The following VPS37C variants were observed in gnomAD, a reference collection of about 807,000 sequenced individuals.
VPS37C encodes VPS37C subunit of ESCRT-I, also known as vacuolar protein sorting-associated protein 37C.
In VPS37C, 9 loss-of-function variants were observed where a neutral mutation model predicts 16.1. That is an observed-to-expected ratio of 0.56 (90% confidence interval 0.34 to 0.97). The LOEUF (loss-of-function observed/expected upper bound fraction) is 0.97, where lower values mean the gene tolerates loss of function less well. Ranked by LOEUF, VPS37C falls within the 50% of genes least tolerant of loss-of-function variation. VPS37C has a pLI of 0.02. For missense variants in VPS37C, 479 were observed against 472.7 expected (o/e 1.01, Z -0.12); for synonymous variants, 207 against 206.4 (o/e 1.00, Z -0.02).
At chr11:61,155,470 G>A (rs1359797883) in intron 1 of VPS37C, among the ~76,000 whole-genome samples, 1 of 152,038 alleles carries the variant, frequency 6.6e-6, no homozygotes, top group Non-Finnish European at 1.5e-5. Flanking sequence ...CTGCACTCTG[G>A]CCTGGATGAC....
Position 61,139,962 on chromosome 11 carries a change from C to T in VPS37C, c.-6-1127G>A, listed in dbSNP as rs953453235. 2.6e-5 allele frequency among the ~76,000 whole-genome samples: 4 copies of T among 152,204 alleles called. No individual in the cohort carries two copies. The East Asian group carries it at 7.7e-4, about 29-fold the overall frequency. ...CTCACTATTTTGACCAGGCTGGTCTCGAACTACTGGGCTCAAACAATTCTC... is the reference window on the plus strand; with the variant it reads ...CTCACTATTTTGACCAGGCTGGTCTTGAACTACTGGGCTCAAACAATTCTC... On this transcript the variant is annotated intron_variant, in intron 1 of 4. Coordinates refer to ENST00000301765, the MANE Select transcript of VPS37C (RefSeq NM_017966.5).
chr11:61,155,361 T>G (rs1005377830), intron 1 of VPS37C, among the ~76,000 whole-genome samples: 1 of 151,130 alleles, frequency 6.6e-6, no homozygotes, highest in African/African-American at 2.4e-5. Context: ...TACCCAGGCA[T>G]GGTGATACAC....
At chr11:61,144,834 A>T (rs961872743) in intron 1 of VPS37C, 1 of 152,238 alleles carries the variant, frequency 6.6e-6, no homozygotes, top group African/African-American at 2.4e-5. Context: ...AGGAGACCGG[A>T]GGCCTCCACC....
intron 1 of VPS37C, among the ~76,000 whole-genome samples, chr11:61,159,901 CAAAAAAAAAAA>C (rs35953020): frequency 3.2e-4 from 16 of 49,544 alleles, no homozygotes; most frequent in African/African-American, 6.0e-4. Flanking sequence ...GACTCCGTCT[CAAAAAAAAAAA>C]AAAAAAAAAA....
At chr11:61,150,208 C>A (rs556450225) in intron 1 of VPS37C, among the ~76,000 whole-genome samples, 5 of 152,184 alleles carry the variant, frequency 3.3e-5, no homozygotes, top group African/African-American at 9.6e-5. Flanking sequence ...ACATGTGGGT[C>A]CCCCCCACCC....
intron 1 of VPS37C, among the ~76,000 whole-genome samples, chr11:61,159,040 A>C (rs1853422151): frequency 6.6e-6 from 1 of 152,152 alleles, no homozygotes; most frequent in Non-Finnish European, 1.5e-5. Flanking sequence ...AAAGAGCTAA[A>C]TCCATTAAAT....
intron 1 of VPS37C, among the ~76,000 whole-genome samples, chr11:61,145,761 C>A (rs931409924): frequency 6.6e-6 from 1 of 152,192 alleles, no homozygotes; most frequent in Non-Finnish European, 1.5e-5. Flanking sequence ...CCCCAGCCAC[C>A]GCATATGTCT....
intron 1 of VPS37C, among the ~76,000 whole-genome samples, chr11:61,160,262 G>A (rs977286675): frequency 6.6e-5 from 10 of 152,194 alleles, no homozygotes; most frequent in Admixed American, 1.3e-4. Flanking sequence ...CAAAGACTCA[G>A]TTTAGCGTCC....
intron 2 of VPS37C, 143 bp downstream of exon 2, chr11:61,138,594 T>G: frequency 1.4e-6 from 1 of 728,592 alleles, no homozygotes; most frequent in Non-Finnish European, 2.3e-6. Context: ...CAGGGATTCC[T>G]CTGAGTCCAA....
rs1861307272 is a variant in VPS37C, at chr11:61,133,321, TG to T, written c.281del (p.Ala94AspfsTer8). ...GGTCTAACAAGGTCCCTGGCTGCAG[TG>T]CTGAAGAAAATTTCTCTGGAAGGGA... ...QKAKLEKFSS[A>X]LQPGTLLDLL... On this transcript the variant is annotated frameshift_variant, in exon 4 of 5. Transcript: ENST00000301765. LOFTEE classifies it high-confidence loss of function. The T allele has an allele frequency of 1.9e-6, 3 of 1,614,082 alleles. No homozygotes were observed. Among genetic ancestry groups the T allele is most frequent in the Non-Finnish European group, 2.5e-6 (3 of 1,180,006 alleles).
Position 61,133,247 on chromosome 11 carries a change from C to T in VPS37C, c.348+8G>A. On this transcript the variant is annotated splice_region_variant and intron_variant, in intron 4 of 4. Coordinates refer to ENST00000301765, the MANE Select transcript of VPS37C (RefSeq NM_017966.5). ...CCAGGGAAGAGGGGTGTCGCCTCGC[C>T]CTCTCACCTCGGACTCTTCTTCGAT... 6.2e-7 allele frequency: 1 copy of T among 1,614,040 alleles called. No homozygotes were observed. Among genetic ancestry groups the T allele is most frequent in the East Asian group, 2.2e-5 (1 of 44,882 alleles).
chr11:61,132,738 G>T (rs988651443), intron 4 of VPS37C, 199 bp from the exon 5 acceptor site: 21 of 750,292 alleles, frequency 2.8e-5, no homozygotes, highest in Non-Finnish European at 4.2e-6. Context: ...TCAGTCCCTT[G>T]AAGGCGAGGA....
intron 3 of VPS37C, 42 bp downstream of exon 3, chr11:61,133,994 A>G (rs1861317971): frequency 6.3e-7 from 1 of 1,585,962 alleles, no homozygotes; most frequent in Non-Finnish European, 8.6e-7. Context: ...CCTCCGTCCA[A>G]CCCTGAATGG....
At chr11:61,140,801 T>C (rs1479180933) in intron 1 of VPS37C, among the ~76,000 whole-genome samples, 3 of 152,192 alleles carry the variant, frequency 2.0e-5, no homozygotes, top group Non-Finnish European at 4.4e-5. Context: ...AGCCATGTCA[T>C]ATGCAGACAG....
intron 1 of VPS37C, among the ~76,000 whole-genome samples, chr11:61,152,473 G>A (rs1254475864): frequency 6.6e-6 from 1 of 152,018 alleles, no homozygotes; most frequent in Non-Finnish European, 1.5e-5. Context: ...CAGAAAGTCT[G>A]CCCTAAGCCC....
chr11:61,152,660 T>A (rs565563256), intron 1 of VPS37C, among the ~76,000 whole-genome samples: 109 of 152,322 alleles, frequency 7.2e-4, no homozygotes, highest in African/African-American at 2.5e-3. Flanking sequence ...TATTTCTCCA[T>A]GGGTTGCTCA....
intron 2 of VPS37C, among the ~76,000 whole-genome samples, chr11:61,137,152 T>G (rs1415573349): frequency 2.6e-5 from 4 of 152,126 alleles, no homozygotes; most frequent in Admixed American, 2.6e-4. Flanking sequence ...ATGCACACTC[T>G]TCTACACGGA....
chr11:61,137,276 C>T lies in VPS37C; in HGVS notation c.93+1461G>A, dbSNP rs748841951. Among the ~76,000 whole-genome samples, 5 of 152,100 alleles carry T rather than the reference C, an allele frequency of 3.3e-5. No individual in the cohort carries two copies. In the East Asian group the frequency reaches 5.8e-4, roughly 18 times the overall value. On this transcript the variant is annotated intron_variant, in intron 2 of 4. Transcript: ENST00000301765. ...GACTCAATGACTGTCTTATAGCCCA[C>T]GATAAAAAAGTTTGCCAATGGTCTG...
chr11:61,151,146 C>T (rs532668989), intron 1 of VPS37C, among the ~76,000 whole-genome samples: 2 of 152,306 alleles, frequency 1.3e-5, no homozygotes, highest in East Asian at 3.9e-4. Flanking sequence ...TCGGCTGCCT[C>T]GATCAAGTCT....
Sources: allele counts gnomAD v4.1 joint callset (sites outside exome capture counted in the v4.1 genomes callset), GRCh38; gene constraint gnomAD v4.1.1; transcripts MANE v1.5; gene names NCBI Gene and HGNC (gene_info 2026-07-23, HGNC 2026-07-21).